SCGN: variants seen among roughly 807,000 people sequenced by gnomAD.
SCGN encodes the protein secretagogin.
Under a neutral mutation model 39.7 loss-of-function variants are expected in SCGN, and 30 were observed. The observed-to-expected ratio is 0.76, with a 90% confidence interval of 0.57 to 1.03. SCGN has a LOEUF of 1.03. SCGN is among the 50% of genes least tolerant of loss of function. SCGN has a pLI of 0.00. For synonymous variants in SCGN, 106 were observed against 114.1 expected, an observed-to-expected ratio of 0.93 and a Z score of 0.45; for missense variants, 353 against 349.4, an observed-to-expected ratio of 1.01 and a Z score of -0.08.
rs140709874 is a variant in SCGN at position 25,663,133 on chromosome 6, G to A, written c.246+1489G>A. On this transcript the variant is annotated intron_variant, in intron 3 of 10. Transcript: ENST00000377961. ...CATCGTTCCCAAGGCGCCTTAAAAC[G>A]CAATGAGTCTGTGAGTCTAAGGAGC... 3.7e-3 allele frequency among the ~76,000 whole-genome samples: 560 copies of A among 152,258 alleles called. 2 individuals are homozygous for A. Among genetic ancestry groups the A allele is most frequent in the African/African-American group, 0.013 (546 of 41,516 alleles).
intron 7 of SCGN, among the ~76,000 whole-genome samples, chr6:25,684,838 C>T (rs1192079876): frequency 6.6e-6 from 1 of 152,090 alleles, no homozygotes; most frequent in African/African-American, 2.4e-5. Context: ...AAGATATCCA[C>T]ATCCTAATAT....
chr6:25,653,692 A>G (rs1489691625), intron 2 of SCGN, among the ~76,000 whole-genome samples: 2 of 152,186 alleles, frequency 1.3e-5, no homozygotes, highest in Non-Finnish European at 2.9e-5. Context: ...CCACTCAGAG[A>G]TCCTAACTGT....
At chr6:25,686,877 G>T (rs1355835265) in intron 7 of SCGN, among the ~76,000 whole-genome samples, 1 of 152,090 alleles carries the variant, frequency 6.6e-6, no homozygotes, top group Non-Finnish European at 1.5e-5. Flanking sequence ...GTTTAATACA[G>T]TGTAAGGTGG....
chr6:25,663,842 C>T (rs1231623368), intron 3 of SCGN, among the ~76,000 whole-genome samples: 1 of 152,142 alleles, frequency 6.6e-6, no homozygotes, highest in Non-Finnish European at 1.5e-5. Context: ...CATGGTGTGT[C>T]CTTGAGCTGA....
intron 4 of SCGN, among the ~76,000 whole-genome samples, chr6:25,666,077 C>T (rs181174800): frequency 2.8e-4 from 42 of 150,944 alleles, no homozygotes; most frequent in Admixed American, 1.1e-3. Flanking sequence ...TGGTGGCTCA[C>T]GCCTATAATT....
rs758101339 is a variant in SCGN at position 25,701,345 on chromosome 6, G to A, written c.*10G>A. ...GAAAATCAACCCATAATCCCAGACT[G>A]CTTTGCCTTTTGCTCTTACTATGTT... On this transcript the variant is annotated 3_prime_UTR_variant, in exon 11 of 11. Transcript: ENST00000377961. 21 of 1,608,456 alleles carry A rather than the reference G, an allele frequency of 1.3e-5. No individual in the cohort carries two copies. Among genetic ancestry groups the A allele is most frequent in the African/African-American group, 8.0e-5 (6 of 74,638 alleles).
At chr6:25,691,423 C>A (rs529197427) in intron 10 of SCGN, among the ~76,000 whole-genome samples, 2 of 152,132 alleles carry the variant, frequency 1.3e-5, no homozygotes, top group African/African-American at 4.8e-5. Flanking sequence ...TTTTTGGTTA[C>A]AGAAAGTCCC....
At chr6:25,687,560 T>C (rs1004381144) in intron 7 of SCGN, among the ~76,000 whole-genome samples, 8 of 152,152 alleles carry the variant, frequency 5.3e-5, no homozygotes, top group African/African-American at 1.7e-4. Flanking sequence ...ATTTGTGTAT[T>C]AGCTCTAGTA....
Position 25,701,589 on chromosome 6 carries a change from C to T in SCGN, c.*254C>T, listed in dbSNP as rs1460076482. The stretch of plus-strand genomic sequence containing the variant: ...CTATCCTCCCAAAGACTCAGCTCCC[C>T]TGTTAGATGGCTCTGCCTGTCCTTC... On this transcript the variant is annotated 3_prime_UTR_variant, in exon 11 of 11. Transcript: ENST00000377961. 2 of 324,972 alleles carry T rather than the reference C, an allele frequency of 6.2e-6. No individual in the cohort carries two copies. The highest frequency in any genetic ancestry group is 4.3e-5 in the African/African-American group (2 of 46,168). 20.1% of individuals were successfully genotyped at this position (324,972 alleles called of 1,614,324 possible).
chr6:25,696,420 A>G (rs2151383945), intron 10 of SCGN, among the ~76,000 whole-genome samples: 1 of 152,198 alleles, frequency 6.6e-6, no homozygotes, highest in South Asian at 2.1e-4. Flanking sequence ...CCTATTACAG[A>G]ATAATATTAA....
At chr6:25,685,805 G>C (rs6911522) in intron 7 of SCGN, among the ~76,000 whole-genome samples, 1 of 151,796 alleles carries the variant, frequency 6.6e-6, no homozygotes, top group Non-Finnish European at 1.5e-5. Flanking sequence ...TAGATTTTAA[G>C]ATATTCATAA....
intron 2 of SCGN, among the ~76,000 whole-genome samples, chr6:25,654,793 C>A (rs994564870): frequency 6.6e-6 from 1 of 151,930 alleles, no homozygotes; most frequent in African/African-American, 2.4e-5. Context: ...TTTTATTGCT[C>A]TTTGTCTGCC....
At chr6:25,687,209 T>C (rs1440168775) in intron 7 of SCGN, among the ~76,000 whole-genome samples, 1 of 152,164 alleles carries the variant, frequency 6.6e-6, no homozygotes, top group Non-Finnish European at 1.5e-5. Context: ...GACCAGATTG[T>C]CAATTTCTGC....
At chr6:25,689,030 G>C (rs1233114875) in intron 7 of SCGN, 142 bp from the exon 8 acceptor site, 1 of 553,668 alleles carries the variant, frequency 1.8e-6, no homozygotes, top group African/African-American at 1.9e-5. Context: ...CTTTGTTTCT[G>C]TGATGTAGGA....
At chr6:25,668,587 A>G (rs1759432602) in intron 4 of SCGN, among the ~76,000 whole-genome samples, 1 of 152,214 alleles carries the variant, frequency 6.6e-6, no homozygotes, top group Non-Finnish European at 1.5e-5. Context: ...GTTTTAGTTT[A>G]AAGCAGGCAC....
In SCGN at chr6:25,689,467, ACACAGG is replaced by A. The variant is rs1438899585; in HGVS notation, c.574-4_575del. 3.1e-6 allele frequency: 5 copies of A among 1,612,280 alleles called. No homozygotes were observed. The highest frequency in any genetic ancestry group is 3.4e-6 in the Non-Finnish European group (4 of 1,178,388). On this transcript the variant is annotated splice_acceptor_variant and splice_polypyrimidine_tract_variant and coding_sequence_variant and intron_variant, in exon 9 of 11. Coordinates refer to ENST00000377961, the MANE Select transcript of SCGN (RefSeq NM_006998.4). LOFTEE classifies it high-confidence loss of function. The stretch of plus-strand genomic sequence containing the variant: ...TGGACTGACATAATGTTTTTTCCTT[ACACAGG>A]CTTGTTCTACTGAAGAAAGGAAAAG...
intron 4 of SCGN, among the ~76,000 whole-genome samples, chr6:25,666,647 T>C (rs1760429146): frequency 6.6e-6 from 1 of 152,172 alleles, no homozygotes. Context: ...TCACTGAAGA[T>C]CAAGTTTTCA....
In SCGN at chr6:25,689,523, C is replaced by T. The variant is rs756261936; in HGVS notation, c.624C>T (p.Tyr208=). ...GGGACTTTGAGAAAATCTTTGCCTACTATGATGTTGTAAGTGTGCGTCTTT... is the reference window on the plus strand; with the variant it reads ...GGGACTTTGAGAAAATCTTTGCCTATTATGATGTTGTAAGTGTGCGTCTTT... ...RKRDFEKIFA[Y]YDVSKTGALE... is the part of the protein sequence containing the mutation. The change falls in exon 9 of 11, where the codon TAC becomes TAT. Residue 208 remains tyrosine, a synonymous_variant. Coordinates refer to ENST00000377961, the MANE Select transcript of SCGN (RefSeq NM_006998.4). 6.2e-7 allele frequency: 1 copy of T among 1,613,662 alleles called. No homozygotes were observed. The highest frequency in any genetic ancestry group is 1.1e-5 in the South Asian group (1 of 91,058).
intron 2 of SCGN, among the ~76,000 whole-genome samples, chr6:25,659,721 C>T (rs1760299759): frequency 6.6e-6 from 1 of 152,176 alleles, no homozygotes; most frequent in Non-Finnish European, 1.5e-5. Flanking sequence ...AGATTTTCTA[C>T]TCACTGGAAA....
Sources: allele counts gnomAD v4.1 joint callset (sites outside exome capture counted in the v4.1 genomes callset), GRCh38; gene constraint gnomAD v4.1.1; transcripts MANE v1.5; gene names NCBI Gene and HGNC (gene_info 2026-07-23, HGNC 2026-07-21).